FNIP1: variants seen among roughly 807,000 people sequenced by gnomAD.
FNIP1 encodes folliculin interacting protein 1, also known as folliculin-interacting protein 1.
In FNIP1, 40 loss-of-function variants were observed where a neutral mutation model predicts 124.5. That is an observed-to-expected ratio of 0.32 (90% CI 0.25 to 0.42). The LOEUF is 0.42. Among genes scored for constraint, FNIP1 ranks in the 10% least tolerant of loss-of-function variants. The pLI, the probability that FNIP1 is intolerant of heterozygous loss-of-function variation, is 1.00. For missense variants in FNIP1, 1,176 were observed against 1,403.7 expected (o/e 0.84, Z 2.59); for synonymous variants, 472 against 470.6 (o/e 1.00, Z -0.04).
chr5:131,776,853 T>C (rs1771824524), intron 1 of FNIP1, among the ~76,000 whole-genome samples: 2 of 152,230 alleles, frequency 1.3e-5, no homozygotes, highest in South Asian at 4.1e-4. Flanking sequence ...TTATATATTA[T>C]ATAAAGTGTG....
At chr5:131,733,638 T>G (rs1330488371) in intron 2 of FNIP1, among the ~76,000 whole-genome samples, 1 of 152,218 alleles carries the variant, frequency 6.6e-6, no homozygotes, top group Non-Finnish European at 1.5e-5. Context: ...CATTTATTGA[T>G]TTGCGTATGT....
At chr5:131,715,636 C>T (rs1279098251) in intron 6 of FNIP1, among the ~76,000 whole-genome samples, 1 of 151,956 alleles carries the variant, frequency 6.6e-6, no homozygotes, top group Non-Finnish European at 1.5e-5. Context: ...AGTAATCAAA[C>T]GAGTTAAGAA....
At chr5:131,788,151 A>T (rs1772277954) in intron 1 of FNIP1, among the ~76,000 whole-genome samples, 2 of 152,356 alleles carry the variant, frequency 1.3e-5, no homozygotes, top group South Asian at 4.1e-4. Flanking sequence ...GACTTAACAA[A>T]TGAGCAAATA....
rs1219912366 is a variant in FNIP1, at chr5:131,779,093, A to T, written c.92+17737T>A. On this transcript the variant is annotated intron_variant, in intron 1 of 17. Coordinates refer to ENST00000510461, the MANE Select transcript of FNIP1 (RefSeq NM_133372.3). ...GCGCACCAGCATGGCACATGTATAC[A>T]TATGTAACTAACCTGCACAATGTGC... Among the ~76,000 whole-genome samples the T allele has an allele frequency of 2.0e-5, 3 of 146,520 alleles. No individual in the cohort carries two copies. The East Asian group carries it at 6.1e-4, about 30-fold the overall frequency.
At chr5:131,656,517 G>T (rs1767196383) in intron 15 of FNIP1, among the ~76,000 whole-genome samples, 1 of 152,130 alleles carries the variant, frequency 6.6e-6, no homozygotes, top group Non-Finnish European at 1.5e-5. Flanking sequence ...TTTTTTAGAT[G>T]AAGTCATTAT....
chr5:131,734,614 G>GA (rs1373021773), intron 2 of FNIP1, among the ~76,000 whole-genome samples: 1 of 151,490 alleles, frequency 6.6e-6, no homozygotes, highest in Non-Finnish European at 1.5e-5. Context: ...AAATTTACAA[G>GA]AAAAAAAACA....
rs1274294760 is a variant in FNIP1, at chr5:131,774,846, A to T, written c.92+21984T>A. On this transcript the variant is annotated intron_variant, in intron 1 of 17. Coordinates refer to ENST00000510461, the MANE Select transcript of FNIP1 (RefSeq NM_133372.3). Reference sequence around the variant, plus strand: ...AGAAGCTCTTTTCTTGAGAGGAAGGAGTCTGCAAAGCTTCTAAAGTCAGAC... The same window carrying T: ...AGAAGCTCTTTTCTTGAGAGGAAGGTGTCTGCAAAGCTTCTAAAGTCAGAC... Among the ~76,000 whole-genome samples the T allele has an allele frequency of 5.9e-5, 9 of 152,330 alleles. 1 individual carries two copies. The East Asian group carries it at 1.2e-3, about 20-fold the overall frequency.
At chr5:131,697,744 T>C (rs1768750406) in intron 11 of FNIP1, among the ~76,000 whole-genome samples, 1 of 151,568 alleles carries the variant, frequency 6.6e-6, no homozygotes, top group African/African-American at 2.4e-5. Context: ...GGTGGGCGGA[T>C]CATTTGAGGT....
chr5:131,784,764 C>A (rs1459397093), intron 1 of FNIP1, among the ~76,000 whole-genome samples: 1 of 151,094 alleles, frequency 6.6e-6, no homozygotes, highest in East Asian at 1.9e-4. Flanking sequence ...CGAGGCTGCA[C>A]TGAGCCATGA....
chr5:131,722,847 A>G (rs1457224789), intron 3 of FNIP1, among the ~76,000 whole-genome samples: 2 of 152,072 alleles, frequency 1.3e-5, no homozygotes, highest in African/African-American at 4.8e-5. Flanking sequence ...CACCATACCC[A>G]GCTAATTTTT....
chr5:131,722,243 A>C (rs544863052), intron 3 of FNIP1, among the ~76,000 whole-genome samples: 6 of 152,322 alleles, frequency 3.9e-5, no homozygotes, highest in African/African-American at 1.4e-4. Flanking sequence ...AACTCTAAGT[A>C]GAAAGATAAG....
chr5:131,791,918 T>C (rs1469613238), intron 1 of FNIP1, among the ~76,000 whole-genome samples: 3 of 151,862 alleles, frequency 2.0e-5, no homozygotes, highest in Non-Finnish European at 2.9e-5. Flanking sequence ...GCAAAAGCCA[T>C]ACTATGTAGA....
At chr5:131,665,165 A>C (rs955654124) in intron 15 of FNIP1, among the ~76,000 whole-genome samples, 3 of 152,134 alleles carry the variant, frequency 2.0e-5, no homozygotes, top group African/African-American at 7.2e-5. Context: ...TATTACTTTC[A>C]TTATAGCCAA....
chr5:131,711,960 CCTT>C (rs1282368021), intron 6 of FNIP1, among the ~76,000 whole-genome samples: 3 of 152,182 alleles, frequency 2.0e-5, no homozygotes, highest in Admixed American at 2.0e-4. Flanking sequence ...TCTTCAAACT[CCTT>C]CCCTACCTCT....
At chr5:131,668,749 G>A (rs1337881339) in intron 15 of FNIP1, among the ~76,000 whole-genome samples, 2 of 152,126 alleles carry the variant, frequency 1.3e-5, no homozygotes, top group African/African-American at 4.8e-5. Context: ...GGGCTGAAAA[G>A]TCTCTGTCTC....
intron 17 of FNIP1, among the ~76,000 whole-genome samples, chr5:131,646,414 T>C (rs985532702): frequency 2.6e-5 from 4 of 152,232 alleles, no homozygotes; most frequent in Non-Finnish European, 5.9e-5. Flanking sequence ...TACAGTAGGT[T>C]CTCAGTGATA....
chr5:131,746,744 A>G (rs1580806419), intron 1 of FNIP1, among the ~76,000 whole-genome samples: 1 of 152,282 alleles, frequency 6.6e-6, no homozygotes, highest in Non-Finnish European at 1.5e-5. Flanking sequence ...TGAACATACA[A>G]GTGCATGTGT....
chr5:131,785,184 T>C (rs1772163153), intron 1 of FNIP1, among the ~76,000 whole-genome samples: 1 of 130,578 alleles, frequency 7.7e-6, no homozygotes, highest in Non-Finnish European at 1.6e-5. Context: ...ATATCATATA[T>C]ATGATATATA....
chr5:131,739,673 C>A (rs1244182883), intron 2 of FNIP1, among the ~76,000 whole-genome samples: 1 of 151,836 alleles, frequency 6.6e-6, no homozygotes, highest in Non-Finnish European at 1.5e-5. Flanking sequence ...GTTAGCCGGG[C>A]GTGGTGGCCG....
Sources: gnomAD v4.1 joint callset for allele counts (sites outside exome capture counted in the v4.1 genomes callset) on GRCh38, gnomAD v4.1.1 for gene constraint, MANE v1.5 for transcripts, NCBI Gene and HGNC (gene_info 2026-07-23, HGNC 2026-07-21) for gene names.